Variants in EDA observed in about 807,000 individuals in gnomAD.
EDA encodes the protein ectodysplasin-A.
Under a neutral mutation model 23.6 loss-of-function variants are expected in EDA, and 2 were observed. The ratio of observed to expected loss-of-function variants is 0.08; its 90% CI spans 0.03 to 0.27. The LOEUF (loss-of-function observed/expected upper bound fraction) is 0.27, where lower values mean the gene tolerates loss of function less well. Ranked by LOEUF, EDA falls within the 10% of genes least tolerant of loss-of-function variation. The probability of loss-of-function intolerance (pLI) is 1.00; values close to 1 mark genes in which losing one functional copy is unlikely to be tolerated. For synonymous variants in EDA, 131 were observed against 132.0 expected, an observed-to-expected ratio of 0.99 and a Z score of 0.05; for missense variants, 229 against 324.2, an observed-to-expected ratio of 0.71 and a Z score of 2.26.
At chrX:69,967,935 G>C (rs2019197279) in intron 2 of EDA, among the ~76,000 whole-genome samples, 1 of 111,516 alleles carries the variant, frequency 9.0e-6, no homozygotes, top group Non-Finnish European at 1.9e-5. Context: ...GGGGCAGAAG[G>C]GTTCATGATG....
At chrX:69,968,435 C>T (rs1271373826) in intron 2 of EDA, among the ~76,000 whole-genome samples, 3 of 111,833 alleles carry the variant, frequency 2.7e-5, no homozygotes, top group Non-Finnish European at 3.8e-5. Context: ...TGGCTTTCCT[C>T]TCGGCATGAG....
intron 1 of EDA, among the ~76,000 whole-genome samples, chrX:69,883,398 C>T (rs1200164105): frequency 7.1e-5 from 8 of 112,291 alleles, no homozygotes; most frequent in Non-Finnish European, 1.5e-4. Flanking sequence ...TGCCAGGCCA[C>T]TGCCACCATT....
chrX:69,969,784 C>T lies in EDA; in HGVS notation c.502+12652C>T, dbSNP rs775625820. 3.6e-5 allele frequency among the ~76,000 whole-genome samples: 4 copies of T among 111,226 alleles called. No individual in the cohort carries two copies. In the South Asian group the frequency reaches 1.5e-3, roughly 43 times the overall value. On this transcript the variant is annotated intron_variant, in intron 2 of 7. Coordinates refer to ENST00000374552, the MANE Select transcript of EDA (RefSeq NM_001399.5). ...ATTTAGTGTAGTAAAGCTTCTAGTA[C>T]ATGGGTGAAATACACACATAAGAAA...
intron 1 of EDA, among the ~76,000 whole-genome samples, chrX:69,679,111 T>C (rs949746998): frequency 2.4e-4 from 26 of 109,012 alleles, no homozygotes; most frequent in African/African-American, 8.7e-4. Flanking sequence ...TCTGTTTATA[T>C]GCTGGATTAC....
intron 1 of EDA, among the ~76,000 whole-genome samples, chrX:69,660,915 C>T (rs752275295): frequency 1.2e-4 from 13 of 111,453 alleles, no homozygotes; most frequent in Non-Finnish European, 5.6e-5. Context: ...CTTGAGGAAT[C>T]GCCACACTGT....
Position 69,895,395 on chromosome X carries a change from T to TACACACAC in EDA, c.397-61599_397-61592dup, listed in dbSNP as rs200298403. Among the ~76,000 whole-genome samples, 643 of 86,144 alleles carry TACACACAC rather than the reference T, an allele frequency of 7.5e-3. 3 individuals carry two copies. The highest frequency in any genetic ancestry group is 0.01 in the Non-Finnish European group (455 of 43,825). 74.8% of individuals were successfully genotyped at this position (86,144 alleles called of 115,157 possible). On this transcript the variant is annotated intron_variant, in intron 1 of 7. Coordinates refer to ENST00000374552, the MANE Select transcript of EDA (RefSeq NM_001399.5). ...CCCTTCTTTGCAGCCTTTCTCAACC[T>TACACACAC]ACACACACACACACACACACACACA...
chrX:69,653,228 T>G (rs1179708792), intron 1 of EDA, among the ~76,000 whole-genome samples: 1 of 111,675 alleles, frequency 9.0e-6, no homozygotes, highest in African/African-American at 3.3e-5. Context: ...TATTTTATTC[T>G]CTTGGAAGCA....
At chrX:69,833,971 G>GTT (rs1280766337) in intron 1 of EDA, among the ~76,000 whole-genome samples, 2 of 76,305 alleles carry the variant, frequency 2.6e-5, no homozygotes, top group Non-Finnish European at 2.3e-5. Context: ...CCCCACGACA[G>GTT]GCACCAGTGT....
intron 1 of EDA, among the ~76,000 whole-genome samples, chrX:69,874,190 TAATCC>T (rs2017608480): frequency 9.0e-6 from 1 of 110,778 alleles, no homozygotes; most frequent in African/African-American, 3.3e-5. Context: ...CACATGCCTG[TAATCC>T]CAGCTACTCA....
intron 1 of EDA, among the ~76,000 whole-genome samples, chrX:69,854,720 A>G (rs12559879): frequency 0.3 from 33,491 of 111,355 alleles, 4,706 homozygotes; most frequent in Middle Eastern, 0.56. Flanking sequence ...ATGGACATTT[A>G]GATTGGGTCC....
intron 1 of EDA, among the ~76,000 whole-genome samples, chrX:69,904,345 T>A (rs2018147140): frequency 9.0e-6 from 1 of 110,798 alleles, no homozygotes; most frequent in Non-Finnish European, 1.9e-5. Context: ...AACCATTCCC[T>A]CTTCCCCTCT....
At chrX:69,813,745 C>T in intron 1 of EDA, among the ~76,000 whole-genome samples, 1 of 110,671 alleles carries the variant, frequency 9.0e-6, no homozygotes, top group Non-Finnish European at 1.9e-5. Flanking sequence ...TTTGCAGTGG[C>T]ATACCCCAGT....
intron 1 of EDA, among the ~76,000 whole-genome samples, chrX:69,705,087 GTGATGGGCACC>G (rs2011658407): frequency 9.2e-6 from 1 of 109,098 alleles, no homozygotes; most frequent in African/African-American, 3.3e-5. Flanking sequence ...GCTGGATGTC[GTGATGGGCACC>G]TGTAATCCCA....
At chrX:69,966,672 A>G (rs1214523024) in intron 2 of EDA, among the ~76,000 whole-genome samples, 1 of 110,725 alleles carries the variant, frequency 9.0e-6, no homozygotes, top group African/African-American at 3.3e-5. Flanking sequence ...GATAACTCTA[A>G]TATCTATGAA....
intron 2 of EDA, among the ~76,000 whole-genome samples, chrX:69,992,031 G>A (rs1405818093): frequency 8.9e-6 from 1 of 112,298 alleles, no homozygotes; most frequent in Non-Finnish European, 1.9e-5. Context: ...CTGCCACTGG[G>A]TAAGGGTTTC....
intron 1 of EDA, among the ~76,000 whole-genome samples, chrX:69,713,121 G>A (rs972441618): frequency 7.3e-5 from 8 of 108,990 alleles, no homozygotes; most frequent in Non-Finnish European, 1.5e-4. Context: ...TAAATGACGA[G>A]TTAATGGGTG....
Position 70,027,723 on chromosome X carries a change from T to A in EDA, c.527-134T>A, listed in dbSNP as rs964746288. On this transcript the variant is annotated intron_variant, in intron 3 of 7. Transcript: ENST00000374552. ...CTGTAATCCCAGTTACTCCAGAGGC[T>A]GAGGCAGGAGAATCGCTTGAACCCG... 3.0e-5 allele frequency: 14 copies of A among 461,108 alleles called. No homozygotes were observed. In the East Asian group the frequency reaches 5.7e-4, roughly 19 times the overall value. 38.0% of individuals were successfully genotyped at this position (461,108 alleles called of 1,213,427 possible). A position where few individuals can be genotyped will look rare whatever the true frequency, so the allele number is the denominator to read the frequency against.
At position 69,911,075 on chromosome X, in the gene EDA, TCTGTTACATTC is replaced by T. The variant is rs1338935158; in HGVS notation, c.397-45949_397-45939del. On this transcript the variant is annotated intron_variant, in intron 1 of 7. Coordinates refer to ENST00000374552, the MANE Select transcript of EDA (RefSeq NM_001399.5). ...AGATTGTGTTATAGACCCTCTGGAT[TCTGTTACATTC>T]CTCAAAAGAGTATTTTTTTAAGCAA... 5.3e-5 allele frequency among the ~76,000 whole-genome samples: 6 copies of T among 112,236 alleles called. No individual in the cohort carries two copies. The East Asian group carries it at 1.7e-3, about 31-fold the overall frequency.
At chrX:70,027,005 T>C (rs1222746042) in intron 3 of EDA, among the ~76,000 whole-genome samples, 2 of 111,198 alleles carry the variant, frequency 1.8e-5, no homozygotes, top group Non-Finnish European at 3.8e-5. Context: ...GCTGATACTG[T>C]TCCTAAGGCC....
Sources: allele counts gnomAD v4.1 joint callset (sites outside exome capture counted in the v4.1 genomes callset), GRCh38; gene constraint gnomAD v4.1.1; transcripts MANE v1.5; gene names NCBI Gene and HGNC (gene_info 2026-07-23, HGNC 2026-07-21).